The following TXNRD1 variants were observed in gnomAD, a reference collection of about 807,000 sequenced individuals.
TXNRD1 encodes thioredoxin reductase 1.
Under a neutral mutation model 80.3 loss-of-function variants are expected in TXNRD1, and 57 were observed. The ratio of observed to expected loss-of-function variants is 0.71; its 90% CI spans 0.57 to 0.89. The LOEUF is 0.89. TXNRD1 is among the 40% of genes least tolerant of loss of function. The pLI is 0.00. For synonymous variants in TXNRD1, 291 were observed against 285.2 expected, an observed-to-expected ratio of 1.02 and a Z score of -0.20; for missense variants, 730 against 803.0, an observed-to-expected ratio of 0.91 and a Z score of 1.10.
At chr12:104,254,643 A>AT (rs1565864281) in intron 2 of TXNRD1, among the ~76,000 whole-genome samples, 235 of 129,074 alleles carry the variant, frequency 1.8e-3, no homozygotes, top group African/African-American at 4.6e-3. Context: ...AAAAAAAAAA[A>AT]AATATATATA....
chr12:104,259,223 TAAA>T (rs770569423), intron 3 of TXNRD1, among the ~76,000 whole-genome samples: 4 of 151,194 alleles, frequency 2.6e-5, no homozygotes, highest in Middle Eastern at 6.8e-3. Context: ...TACTAAATAA[TAAA>T]AAAAATTAGC....
At chr12:104,272,156 C>G (rs2033664706) in intron 3 of TXNRD1, among the ~76,000 whole-genome samples, 1 of 152,178 alleles carries the variant, frequency 6.6e-6, no homozygotes, top group Admixed American at 6.6e-5. Context: ...CAAGTTACTT[C>G]TATAGAAGGG....
intron 1 of TXNRD1, among the ~76,000 whole-genome samples, chr12:104,250,873 G>A (rs895048378): frequency 1.3e-5 from 2 of 152,192 alleles, no homozygotes; most frequent in Non-Finnish European, 2.9e-5. Context: ...TCTCTTGGTG[G>A]TTTTGACTGG....
rs1410944144 is a variant in TXNRD1 at position 104,323,477 on chromosome 12, G to A, written c.1216-1860G>A. Among the ~76,000 whole-genome samples the A allele has an allele frequency of 2.7e-5, 4 of 146,590 alleles. No homozygotes were observed. The East Asian group carries it at 8.3e-4, about 30-fold the overall frequency. ...GGCTCCTCACTTCCCAGTAGGGGCG[G>A]CCGGGCAGAGGCGCCCCTCACCTCC... On this transcript the variant is annotated intron_variant, in intron 10 of 16. Transcript: ENST00000525566.
At chr12:104,348,258 A>G in intron 16 of TXNRD1, 95 bp from the exon 17 acceptor site, 1 of 1,079,076 alleles carries the variant, frequency 9.3e-7, no homozygotes, top group East Asian at 2.4e-5. Context: ...TAGTCGCCTA[A>G]GATGGTTTTA....
chr12:104,295,589 A>G (rs1173515956), intron 4 of TXNRD1, among the ~76,000 whole-genome samples: 5 of 152,088 alleles, frequency 3.3e-5, no homozygotes, highest in African/African-American at 1.2e-4. Flanking sequence ...CGGGACTATC[A>G]TTGCAGCTAA....
At chr12:104,287,089 C>T in intron 3 of TXNRD1, 1 of 1,441,956 alleles carries the variant, frequency 6.9e-7, no homozygotes, top group South Asian at 1.4e-5. Context: ...GGCCTGATGT[C>T]TTCATCATTC....
At chr12:104,236,854 T>A (rs2032749433) in intron 1 of TXNRD1, among the ~76,000 whole-genome samples, 1 of 152,024 alleles carries the variant, frequency 6.6e-6, no homozygotes, top group Non-Finnish European at 1.5e-5. Flanking sequence ...AAGGCCTTTA[T>A]GTTTTTCTCT....
At chr12:104,340,734 T>C (rs533747050) in intron 16 of TXNRD1, among the ~76,000 whole-genome samples, 65 of 152,172 alleles carry the variant, frequency 4.3e-4, no homozygotes, top group Non-Finnish European at 8.2e-4. Context: ...CAACATGATC[T>C]CATTTTCACT....
chr12:104,342,910 A>G (rs762524400), intron 16 of TXNRD1, among the ~76,000 whole-genome samples: 1 of 152,172 alleles, frequency 6.6e-6, no homozygotes, highest in Non-Finnish European at 1.5e-5. Context: ...AGGAGATGAT[A>G]GTGGCCGGAG....
At chr12:104,271,933 G>C (rs548300227) in intron 3 of TXNRD1, among the ~76,000 whole-genome samples, 1 of 151,786 alleles carries the variant, frequency 6.6e-6, no homozygotes, top group East Asian at 1.9e-4. Flanking sequence ...GAGCAAATAA[G>C]CATTTAGGGC....
intron 4 of TXNRD1, among the ~76,000 whole-genome samples, chr12:104,303,272 T>G (rs1332425810): frequency 1.3e-5 from 2 of 152,212 alleles, no homozygotes; most frequent in Non-Finnish European, 2.9e-5. Flanking sequence ...CCGATTTACA[T>G]TTGTATAATG....
rs749978341 is a variant in TXNRD1, at chr12:104,337,023, T to TA, written c.1747-2115dup. ...TCGAAGGGTCTCATGCTTACGTTCT[T>TA]ATGTTTGCCACCTATTTATGAATGC... On this transcript the variant is annotated intron_variant, in intron 15 of 16. Transcript: ENST00000525566. Among the ~76,000 whole-genome samples the TA allele has an allele frequency of 3.3e-5, 5 of 151,004 alleles. 2 individuals carry two copies. The highest frequency in any genetic ancestry group is 7.4e-5 in the Non-Finnish European group (5 of 67,178).
chr12:104,316,834 C>T (rs2035346409), intron 7 of TXNRD1, among the ~76,000 whole-genome samples: 1 of 152,096 alleles, frequency 6.6e-6, no homozygotes, highest in African/African-American at 2.4e-5. Flanking sequence ...GGTTTGAGAC[C>T]TATGCATTAT....
At chr12:104,315,494 T>C (rs569885721) in intron 6 of TXNRD1, among the ~76,000 whole-genome samples, 4 of 152,320 alleles carry the variant, frequency 2.6e-5, no homozygotes, top group East Asian at 1.9e-4. Flanking sequence ...ATTTCTGGCA[T>C]CTTTATCAGC....
At chr12:104,271,922 A>G (rs1593735058) in intron 3 of TXNRD1, among the ~76,000 whole-genome samples, 1 of 152,150 alleles carries the variant, frequency 6.6e-6, no homozygotes, top group Non-Finnish European at 1.5e-5. Context: ...ACTTTAAGAA[A>G]GAGCAAATAA....
intron 1 of TXNRD1, chr12:104,224,792 TC>T (rs1269195019): frequency 4.4e-6 from 2 of 454,962 alleles, no homozygotes; most frequent in East Asian, 6.9e-5. Flanking sequence ...CCTGATTTTC[TC>T]CCCCACTGTT....
At chr12:104,256,915 A>G (rs750725961) in intron 2 of TXNRD1, among the ~76,000 whole-genome samples, 5 of 151,462 alleles carry the variant, frequency 3.3e-5, no homozygotes, top group Non-Finnish European at 7.4e-5. Flanking sequence ...GTACTTCCAT[A>G]CAATAGGAAG....
intron 4 of TXNRD1, chr12:104,304,511 C>T: frequency 1.2e-6 from 2 of 1,613,870 alleles, no homozygotes; most frequent in East Asian, 2.2e-5. Flanking sequence ...GAAAAAAGTT[C>T]GCAAGATGGA....
Sources: allele counts gnomAD v4.1 joint callset (sites outside exome capture counted in the v4.1 genomes callset), GRCh38; gene constraint gnomAD v4.1.1; transcripts MANE v1.5; gene names NCBI Gene and HGNC (gene_info 2026-07-23, HGNC 2026-07-21).